The following DHRSX variants were observed in gnomAD, a reference collection of about 807,000 sequenced individuals.
DHRSX encodes the protein polyprenol dehydrogenase.
Under a neutral mutation model 34.0 loss-of-function variants are expected in DHRSX, and 31 were observed. The observed-to-expected ratio is 0.91, with a 90% CI of 0.69 to 1.23. DHRSX has a LOEUF of 1.23. Ranked by LOEUF, DHRSX falls within the 50% of genes most tolerant of loss-of-function variation. The pLI, the probability that DHRSX is intolerant of heterozygous loss-of-function variation, is 0.00. For synonymous variants in DHRSX, 201 were observed against 183.8 expected (o/e 1.09, Z -0.76); for missense variants, 414 against 428.1 (o/e 0.97, Z 0.29).
chrX:2,446,044 G>C (rs187398277), intron 1 of DHRSX, among the ~76,000 whole-genome samples: 3,944 of 151,886 alleles, frequency 0.026, 107 homozygotes, highest in Admixed American at 0.052. Flanking sequence ...CATTCCCTAA[G>C]TTTGTGGCTA....
chrX:2,233,583 A>G (rs1174091738), intron 6 of DHRSX, among the ~76,000 whole-genome samples: 1 of 152,060 alleles, frequency 6.6e-6, no homozygotes, highest in Non-Finnish European at 1.5e-5. Context: ...AGTCCTGGAG[A>G]GTGTTGGAGC....
chrX:2,366,478 C>T (rs1412361252), intron 3 of DHRSX, among the ~76,000 whole-genome samples: 1 of 151,902 alleles, frequency 6.6e-6, no homozygotes, highest in African/African-American at 2.4e-5. Flanking sequence ...GAAAATAGTT[C>T]AGGTAATTCT....
rs1245823439 is a variant in DHRSX, at chrX:2,277,101, G to GGA, written c.389-10156_389-10155dup. On this transcript the variant is annotated intron_variant, in intron 4 of 6. Coordinates refer to ENST00000334651, the MANE Select transcript of DHRSX (RefSeq NM_145177.3). ...AGAAAGAGAGATGGAGAGGGAACAG[G>GGA]GAGAGAGAGGGAGGGCAAACGAGAG... Among the ~76,000 whole-genome samples the GGA allele has an allele frequency of 4.2e-4, 33 of 78,904 alleles. 5 individuals carry two copies. Among genetic ancestry groups the GGA allele is most frequent in the African/African-American group, 2.3e-3 (32 of 13,920 alleles). 51.8% of individuals were successfully genotyped at this position (78,904 alleles called of 152,430 possible). A position where few individuals can be genotyped will look rare whatever the true frequency, so the allele number is the denominator to read the frequency against.
intron 5 of DHRSX, among the ~76,000 whole-genome samples, chrX:2,246,658 A>G (rs867424784): frequency 1.5e-5 from 2 of 129,236 alleles, no homozygotes; most frequent in Non-Finnish European, 3.6e-5. Flanking sequence ...GAGAGAAAGA[A>G]AGAAAAGAAA....
chrX:2,330,073 C>T (rs1279861092), intron 3 of DHRSX, among the ~76,000 whole-genome samples: 1 of 6,160 alleles, frequency 1.6e-4, no homozygotes, highest in Non-Finnish European at 7.7e-4. Context: ...AGAGAGACGG[C>T]GGGGGGGGGG....
chrX:2,452,291 G>A (rs1201179689), intron 1 of DHRSX, among the ~76,000 whole-genome samples: 4 of 151,896 alleles, frequency 2.6e-5, no homozygotes, highest in South Asian at 4.2e-4. Flanking sequence ...CCACCACCAT[G>A]TACACACTGA....
chrX:2,313,628 A>G (rs2042190768), intron 3 of DHRSX, among the ~76,000 whole-genome samples: 2 of 152,134 alleles, frequency 1.3e-5, no homozygotes, highest in Non-Finnish European at 2.9e-5. Flanking sequence ...CGGCCTCCCA[A>G]AGTGCTAGAA....
intron 3 of DHRSX, among the ~76,000 whole-genome samples, chrX:2,313,799 G>T (rs962103189): frequency 6.6e-6 from 1 of 152,148 alleles, no homozygotes; most frequent in Non-Finnish European, 1.5e-5. Flanking sequence ...ACCCCAGGTG[G>T]TCGGGGTGCA....
At chrX:2,485,073 A>G (rs1486531341) in intron 1 of DHRSX, among the ~76,000 whole-genome samples, 1 of 152,164 alleles carries the variant, frequency 6.6e-6, no homozygotes, top group Non-Finnish European at 1.5e-5. Flanking sequence ...AAAAACAACC[A>G]GCTCAGAGTT....
intron 4 of DHRSX, among the ~76,000 whole-genome samples, chrX:2,272,019 CG>C (rs2041562685): frequency 6.6e-6 from 1 of 151,858 alleles, no homozygotes; most frequent in South Asian, 2.1e-4. Context: ...CCAGCCTGGG[CG>C]AAAGAGTGAG....
intron 1 of DHRSX, among the ~76,000 whole-genome samples, chrX:2,469,612 G>A (rs1376813894): frequency 6.6e-6 from 1 of 150,402 alleles, no homozygotes; most frequent in Non-Finnish European, 1.5e-5. Context: ...CCAAGGGACT[G>A]CACTGATGAC....
At chrX:2,268,259 G>A (rs1377750316) in intron 4 of DHRSX, among the ~76,000 whole-genome samples, 3 of 152,162 alleles carry the variant, frequency 2.0e-5, no homozygotes, top group Admixed American at 6.5e-5. Flanking sequence ...CTAGAAACAC[G>A]CACGAACCAT....
intron 1 of DHRSX, among the ~76,000 whole-genome samples, chrX:2,456,864 T>A (rs1290423028): frequency 6.6e-6 from 1 of 152,114 alleles, no homozygotes; most frequent in Non-Finnish European, 1.5e-5. Context: ...GGAGCTGCTG[T>A]TCCAGAAAGC....
At position 2,315,890 on chromosome X, in the gene DHRSX, C is replaced by T. The variant is rs184626773; in HGVS notation, c.287-24287G>A. ...TTCTCTCTTTTCTTTGAGACAGAGT[C>T]TCACTCTGTTGCCTAGGCTGGAGTG... is the stretch of plus-strand genomic sequence containing the variant. On this transcript the variant is annotated intron_variant, in intron 3 of 6. Transcript: ENST00000334651. Among the ~76,000 whole-genome samples, 17 of 152,240 alleles carry T rather than the reference C, an allele frequency of 1.1e-4. No homozygotes were observed. In the East Asian group the frequency reaches 1.2e-3, roughly 10 times the overall value.
intron 1 of DHRSX, among the ~76,000 whole-genome samples, chrX:2,448,719 T>C (rs146990611): frequency 0.052 from 7,850 of 152,228 alleles, 265 homozygotes; most frequent in East Asian, 0.083. Context: ...TAATGAACAA[T>C]ACATTTTCTA....
chrX:2,224,361 T>C (rs762649374), intron 6 of DHRSX, among the ~76,000 whole-genome samples: 1 of 152,344 alleles, frequency 6.6e-6, no homozygotes, highest in East Asian at 1.9e-4. Flanking sequence ...GTCTGGGGGC[T>C]TCTGTTTCTA....
intron 5 of DHRSX, among the ~76,000 whole-genome samples, chrX:2,246,537 C>G (rs963624744): frequency 6.6e-6 from 1 of 151,528 alleles, no homozygotes; most frequent in Non-Finnish European, 1.5e-5. Flanking sequence ...GCAGGAGAAT[C>G]ACTTGAACCC....
At chrX:2,473,586 G>A (rs1271160325) in intron 1 of DHRSX, among the ~76,000 whole-genome samples, 1 of 147,454 alleles carries the variant, frequency 6.8e-6, no homozygotes, top group Non-Finnish European at 1.5e-5. Context: ...TCCCTCCACT[G>A]CACTCCAGCC....
intron 3 of DHRSX, among the ~76,000 whole-genome samples, chrX:2,308,505 G>C (rs62595547): frequency 0.68 from 103,349 of 151,858 alleles, 36,075 homozygotes; most frequent in Middle Eastern, 0.8. Flanking sequence ...AGCAATGATT[G>C]AAGTCTAAAA....
Sources: gnomAD v4.1 joint callset for allele counts (sites outside exome capture counted in the v4.1 genomes callset) on GRCh38, gnomAD v4.1.1 for gene constraint, MANE v1.5 for transcripts, NCBI Gene and HGNC (gene_info 2026-07-23, HGNC 2026-07-21) for gene names.